Variants in AHCYL2 observed in about 807,000 individuals in gnomAD.
AHCYL2 encodes S-adenosylhomocysteine hydrolase-like protein 2.
AHCYL2 carries 28 observed loss-of-function variants against 81.4 expected under a neutral mutation model. The ratio of observed to expected loss-of-function variants is 0.34; its 90% CI spans 0.25 to 0.47. The LOEUF (loss-of-function observed/expected upper bound fraction) is 0.47. AHCYL2 is among the 20% of genes least tolerant of loss of function. AHCYL2 has a pLI of 1.00. For missense variants in AHCYL2, 551 were observed against 785.1 expected, an observed-to-expected ratio of 0.70 and a Z score of 3.56; for synonymous variants, 272 against 290.2, an observed-to-expected ratio of 0.94 and a Z score of 0.64.
chr7:129,331,604 G>A (rs1798423995), intron 1 of AHCYL2, among the ~76,000 whole-genome samples: 3 of 152,058 alleles, frequency 2.0e-5, no homozygotes, highest in Non-Finnish European at 4.4e-5. Flanking sequence ...AGCACTTTGG[G>A]AGGCCAAGGC....
intron 1 of AHCYL2, among the ~76,000 whole-genome samples, chr7:129,273,737 G>T (rs947936012): frequency 3.3e-5 from 5 of 152,156 alleles, no homozygotes; most frequent in Non-Finnish European, 7.3e-5. Context: ...AAACAATAGG[G>T]CTTCTAGGGA....
intron 1 of AHCYL2, among the ~76,000 whole-genome samples, chr7:129,228,002 G>A (rs913492419): frequency 6.6e-6 from 1 of 152,162 alleles, no homozygotes; most frequent in Non-Finnish European, 1.5e-5. Context: ...CTTTCCCTAA[G>A]TTGAAAGTCA....
At chr7:129,282,333 A>T (rs922887251) in intron 1 of AHCYL2, among the ~76,000 whole-genome samples, 1 of 152,004 alleles carries the variant, frequency 6.6e-6, no homozygotes, top group Non-Finnish European at 1.5e-5. Context: ...TCCTCTCTTT[A>T]CTTCTGGGAA....
chr7:129,285,763 G>A (rs1026029245), intron 1 of AHCYL2, among the ~76,000 whole-genome samples: 18 of 141,160 alleles, frequency 1.3e-4, no homozygotes, highest in Non-Finnish European at 6.0e-5. Flanking sequence ...GCAGTGGCAC[G>A]ATCTCAACCT....
chr7:129,376,622 A>G (rs1289493649), intron 1 of AHCYL2, among the ~76,000 whole-genome samples: 1 of 152,238 alleles, frequency 6.6e-6, no homozygotes, highest in African/African-American at 2.4e-5. Flanking sequence ...TATATGGTTT[A>G]TTCACCTTGA....
intron 1 of AHCYL2, among the ~76,000 whole-genome samples, chr7:129,280,189 T>TTTTTTTTTTTTA (rs1563179028): frequency 6.7e-6 from 1 of 148,948 alleles, no homozygotes; most frequent in African/African-American, 2.5e-5. Context: ...TTTTTTTTTT[T>TTTTTTTTTTTTA]GAGAGAGTCT....
intron 1 of AHCYL2, among the ~76,000 whole-genome samples, chr7:129,267,336 C>T (rs997642750): frequency 6.6e-6 from 1 of 151,468 alleles, no homozygotes; most frequent in African/African-American, 2.4e-5. Context: ...CAGAGTTTCA[C>T]TCTTGTCGCC....
At chr7:129,259,289 C>T (rs924236745) in intron 1 of AHCYL2, among the ~76,000 whole-genome samples, 4 of 152,120 alleles carry the variant, frequency 2.6e-5, no homozygotes, top group Non-Finnish European at 5.9e-5. Context: ...CCTTCTTAAG[C>T]AGCACAGGAG....
chr7:129,323,484 A>C (rs965415222), intron 1 of AHCYL2, among the ~76,000 whole-genome samples: 1 of 152,104 alleles, frequency 6.6e-6, no homozygotes, highest in Non-Finnish European at 1.5e-5. Flanking sequence ...AATATATTTT[A>C]TATTGTTAAA....
chr7:129,321,279 C>G (rs550367272), intron 1 of AHCYL2, among the ~76,000 whole-genome samples: 1 of 152,118 alleles, frequency 6.6e-6, no homozygotes, highest in Non-Finnish European at 1.5e-5. Flanking sequence ...TTCATCCTTA[C>G]GTATAATGTT....
At chr7:129,353,440 C>T (rs1020085235) in intron 1 of AHCYL2, among the ~76,000 whole-genome samples, 6 of 152,012 alleles carry the variant, frequency 3.9e-5, no homozygotes, top group Non-Finnish European at 8.8e-5. Flanking sequence ...CAAATGTTAT[C>T]ACCTTAAAAC....
At chr7:129,324,536 G>A (rs1311729064) in intron 1 of AHCYL2, among the ~76,000 whole-genome samples, 1 of 151,996 alleles carries the variant, frequency 6.6e-6, no homozygotes, top group Non-Finnish European at 1.5e-5. Flanking sequence ...TTTGTTTTGA[G>A]ATGGAGTCTT....
intron 1 of AHCYL2, among the ~76,000 whole-genome samples, chr7:129,325,968 G>A (rs956120803): frequency 6.6e-6 from 1 of 152,118 alleles, no homozygotes; most frequent in African/African-American, 2.4e-5. Context: ...GCCTCACAAA[G>A]TGCTGGGATT....
chr7:129,409,594 T>A lies in AHCYL2; in HGVS notation c.1366+48T>A, dbSNP rs200307259. 2.2e-5 allele frequency: 32 copies of A among 1,457,958 alleles called. No homozygotes were observed. The African/African-American group carries it at 4.2e-4, about 19-fold the overall frequency. 90.3% of individuals were successfully genotyped at this position (1,457,958 alleles called of 1,614,324 possible). Reference sequence around the variant, plus strand: ...GGGGTGGCACTTGGGAATGTTTTTATGGAGCAGGTGCAAGATGATTGGAAA... The same window carrying A: ...GGGGTGGCACTTGGGAATGTTTTTAAGGAGCAGGTGCAAGATGATTGGAAA... On this transcript the variant is annotated intron_variant, in intron 11 of 16. Transcript: ENST00000325006.
At chr7:129,233,194 T>C (rs1794509407) in intron 1 of AHCYL2, among the ~76,000 whole-genome samples, 1 of 152,212 alleles carries the variant, frequency 6.6e-6, no homozygotes, top group African/African-American at 2.4e-5. Flanking sequence ...TTCTCTTTTC[T>C]TTTTTACTGA....
Position 129,368,692 on chromosome 7 carries a change from AT to A in AHCYL2, c.364-10944del. The A allele has an allele frequency of 9.7e-7, 1 of 1,033,250 alleles. No individual in the cohort carries two copies. Among genetic ancestry groups the A allele is most frequent in the Non-Finnish European group, 1.5e-6 (1 of 687,202 alleles). The allele number at this position is 1,033,250 out of a possible 1,614,324, so 64.0% of individuals were successfully genotyped here. ...AAAACAGTTATTACTCTACGTTCTG[AT>A]TAGTTCCTAGGTACTAGGTCACCAC... On this transcript the variant is annotated intron_variant, in intron 1 of 16. Transcript: ENST00000325006. This position sits in a 1 kb window ranked among gnomAD's most constrained non-coding sequence, Gnocchi z 4.4.
chr7:129,412,851 CTTTTG>C (rs1429260325), intron 11 of AHCYL2, among the ~76,000 whole-genome samples: 1 of 151,124 alleles, frequency 6.6e-6, no homozygotes, highest in Non-Finnish European at 1.5e-5. Flanking sequence ...TCTTTTTTTT[CTTTTG>C]GAGACAGGGT....
rs191343326 is a variant in AHCYL2, at chr7:129,392,786, A to G, written c.720+3052A>G. The stretch of plus-strand genomic sequence containing the variant: ...TTTTTCTAACAAAAGAATCCAGTCC[A>G]TGGTTATATGTCACATTTAGTTGTC... On this transcript the variant is annotated intron_variant, in intron 4 of 16. Coordinates refer to ENST00000325006, the MANE Select transcript of AHCYL2 (RefSeq NM_015328.4). 2.0e-5 allele frequency among the ~76,000 whole-genome samples: 3 copies of G among 152,352 alleles called. No individual in the cohort carries two copies. The East Asian group carries it at 5.8e-4, about 29-fold the overall frequency.
Position 129,398,358 on chromosome 7 carries a change from TTTTA to T in AHCYL2, c.823+1038_823+1041del, listed in dbSNP as rs530955328. Among the ~76,000 whole-genome samples the T allele has an allele frequency of 6.7e-3, 959 of 142,410 alleles. 8 individuals are homozygous for T. Among genetic ancestry groups the T allele is most frequent in the African/African-American group, 0.023 (917 of 40,428 alleles). The allele number at this position is 142,410 out of a possible 152,430, so 93.4% of individuals were successfully genotyped here. On this transcript the variant is annotated intron_variant, in intron 5 of 16. Coordinates refer to ENST00000325006, the MANE Select transcript of AHCYL2 (RefSeq NM_015328.4). ...TTTTAAATTTAATTTAATTTTTATTTTTTATTTTTATTTTTATTTTTATTTATTT... is the reference window on the plus strand; with the variant it reads ...TTTTAAATTTAATTTAATTTTTATTTTTTTTATTTTTATTTTTATTTATTT...
Sources: gnomAD v4.1 joint callset for allele counts (sites outside exome capture counted in the v4.1 genomes callset) on GRCh38, gnomAD v4.1.1 for gene constraint, Gnocchi (gnomAD v3.1) non-coding constraint, MANE v1.5 for transcripts, NCBI Gene and HGNC (gene_info 2026-07-23, HGNC 2026-07-21) for gene names.